TACC2: variants seen among roughly 807,000 people sequenced by gnomAD.
TACC2 encodes the protein transforming acidic coiled-coil containing protein 2, also known as transforming acidic coiled-coil-containing protein 2.
TACC2 carries 137 observed loss-of-function variants against 227.3 expected under a neutral mutation model. The ratio of observed to expected loss-of-function variants is 0.60; its 90% CI spans 0.52 to 0.69. The LOEUF (loss-of-function observed/expected upper bound fraction) is 0.69, where lower values mean the gene tolerates loss of function less well. Among genes scored for constraint, TACC2 ranks in the 30% least tolerant of loss-of-function variants. The probability of loss-of-function intolerance (pLI) is 0.00; values close to 1 mark genes in which losing one functional copy is unlikely to be tolerated. For synonymous variants in TACC2, 1,523 were observed against 1,487.5 expected, an observed-to-expected ratio of 1.02 and a Z score of -0.55; for missense variants, 3,470 against 3,694.4, an observed-to-expected ratio of 0.94 and a Z score of 1.57.
chr10:122,222,339 C>T (rs1242654246), intron 11 of TACC2, among the ~76,000 whole-genome samples: 2 of 152,170 alleles, frequency 1.3e-5, no homozygotes, highest in African/African-American at 4.8e-5. Flanking sequence ...TTTTTACATC[C>T]TCTCCAGGTC....
At chr10:122,235,534 G>A (rs1043663967) in intron 16 of TACC2, among the ~76,000 whole-genome samples, 12 of 152,092 alleles carry the variant, frequency 7.9e-5, no homozygotes, top group African/African-American at 2.9e-4. Context: ...CACCGCACAC[G>A]GCCCAGAATT....
intron 5 of TACC2, among the ~76,000 whole-genome samples, chr10:122,125,488 C>T (rs1349390519): frequency 6.6e-6 from 1 of 152,206 alleles, no homozygotes; most frequent in East Asian, 1.9e-4. Context: ...GCATGAGCCA[C>T]CATGCCCGTC....
At chr10:122,228,664 G>A (rs980877073) in intron 14 of TACC2, among the ~76,000 whole-genome samples, 1 of 152,132 alleles carries the variant, frequency 6.6e-6, no homozygotes, top group Non-Finnish European at 1.5e-5. Flanking sequence ...TGAAGCCCTT[G>A]ATTTAGTGTG....
chr10:122,044,560 C>A lies in TACC2; in HGVS notation c.34-5878C>A, dbSNP rs78963871. On this transcript the variant is annotated intron_variant, in intron 2 of 22. Transcript: ENST00000369005. Reference sequence around the variant, plus strand: ...CCAAGGAGCTCGTTCAAAGAGGGGGCGACTTAGGCAGACACTCTGGTCATG... The same window carrying A: ...CCAAGGAGCTCGTTCAAAGAGGGGGAGACTTAGGCAGACACTCTGGTCATG... 1.9e-3 allele frequency among the ~76,000 whole-genome samples: 292 copies of A among 152,156 alleles called. 2 individuals are homozygous for A. Among genetic ancestry groups the A allele is most frequent in the Non-Finnish European group, 3.4e-3 (229 of 68,016 alleles).
At chr10:122,224,198 C>T (rs923087135) in intron 11 of TACC2, among the ~76,000 whole-genome samples, 3 of 152,170 alleles carry the variant, frequency 2.0e-5, no homozygotes, top group Non-Finnish European at 4.4e-5. Context: ...GGGAAAGGCT[C>T]CAGGTGACTT....
intron 5 of TACC2, among the ~76,000 whole-genome samples, chr10:122,121,402 G>A (rs969284857): frequency 6.6e-6 from 1 of 152,168 alleles, no homozygotes; most frequent in African/African-American, 2.4e-5. Context: ...GAGGCTCCGA[G>A]AGGATCTTTT....
chr10:122,007,407 T>C (rs1034759178), intron 1 of TACC2, among the ~76,000 whole-genome samples: 1 of 152,222 alleles, frequency 6.6e-6, no homozygotes, highest in Non-Finnish European at 1.5e-5. Flanking sequence ...TTATTCTGTT[T>C]GGAGTGCTGA....
At chr10:122,067,830 T>G (rs552574735) in intron 3 of TACC2, among the ~76,000 whole-genome samples, 168 of 152,188 alleles carry the variant, frequency 1.1e-3, no homozygotes, top group Non-Finnish European at 2.1e-3. Context: ...TTCTTATGCT[T>G]GGCATTAGTT....
chr10:122,117,402 C>T (rs1448570760), intron 5 of TACC2, among the ~76,000 whole-genome samples: 1 of 151,968 alleles, frequency 6.6e-6, no homozygotes, highest in African/African-American at 2.4e-5. Flanking sequence ...GCCATGTTTC[C>T]CAGGCTGGTC....
intron 7 of TACC2, among the ~76,000 whole-genome samples, chr10:122,149,002 T>C (rs866953332): frequency 1.7e-4 from 26 of 152,290 alleles, no homozygotes; most frequent in South Asian, 1.5e-3. Context: ...CTTTGTGGGG[T>C]CAGCAGGTCA....
intron 1 of TACC2, among the ~76,000 whole-genome samples, chr10:122,019,380 G>A (rs887574327): frequency 1.3e-5 from 2 of 152,224 alleles, no homozygotes; most frequent in South Asian, 4.1e-4. Context: ...ATTTGCCCAG[G>A]TGCAAACAGG....
At chr10:121,989,601 A>C (rs12257711) in intron 1 of TACC2, 113 bp downstream of exon 1, 27,304 of 152,156 alleles carry the variant, frequency 0.18, 2,606 homozygotes, top group Admixed American at 0.25. Context: ...GAGCACCATC[A>C]CTCAAGGTGA....
rs1377781488 is a variant in TACC2, at chr10:122,141,703, T to C, written c.5700-1869T>C. Among the ~76,000 whole-genome samples the C allele has an allele frequency of 6.6e-6, 1 of 152,132 alleles. No individual in the cohort carries two copies. Among genetic ancestry groups the C allele is most frequent in the East Asian group, 1.9e-4 (1 of 5,188 alleles). ...ATCTCCCCCCCACCCGCCACTGTTT[T>C]CTAAGACAGAGATCCTTCCTTGCAG... is the stretch of plus-strand genomic sequence containing the variant. On this transcript the variant is annotated intron_variant, in intron 6 of 22. Coordinates refer to ENST00000369005, the MANE Select transcript of TACC2 (RefSeq NM_206862.4). This position sits in a 1 kb window ranked among gnomAD's most constrained non-coding sequence, Gnocchi z 4.3.
At chr10:122,136,453 G>A (rs1027473950) in intron 6 of TACC2, among the ~76,000 whole-genome samples, 1 of 151,890 alleles carries the variant, frequency 6.6e-6, no homozygotes, top group Non-Finnish European at 1.5e-5. Context: ...AACAGTCCTC[G>A]GGAGAGGTGT....
intron 7 of TACC2, among the ~76,000 whole-genome samples, chr10:122,148,350 C>T (rs534196316): frequency 2.6e-5 from 4 of 152,288 alleles, no homozygotes; most frequent in South Asian, 2.1e-4. Flanking sequence ...GTGATCCGAC[C>T]GCCTCAGCCT....
chr10:122,042,998 C>T (rs1443305023), intron 2 of TACC2, among the ~76,000 whole-genome samples: 1 of 152,166 alleles, frequency 6.6e-6, no homozygotes, highest in Non-Finnish European at 1.5e-5. Context: ...TTTATTTGTA[C>T]AGTTGTTGTT....
In TACC2 at chr10:122,132,715, AC is replaced by A; in HGVS notation, c.5681del (p.Thr1894ArgfsTer3). On this transcript the variant is annotated frameshift_variant, in exon 6 of 23. Transcript: ENST00000369005. LOFTEE classifies it high-confidence loss of function. ...YHGDVVGQVSTDLIAQSISPA... is the reference protein window; with the variant it reads ...YHGDVVGQVSXDLIAQSISPA... ...CGGTGATGTTGTTGGCCAGGTCTCT[AC>A]GGATCTGATAGCCCAGAGGTACGGT... 1.9e-6 allele frequency: 3 copies of A among 1,614,052 alleles called. No homozygotes were observed. Among genetic ancestry groups the A allele is most frequent in the Non-Finnish European group, 2.5e-6 (3 of 1,179,988 alleles).
chr10:122,192,418 G>A, intron 7 of TACC2: 1 of 316,126 alleles, frequency 3.2e-6, no homozygotes, highest in South Asian at 2.8e-5. Flanking sequence ...AAAGAGCAGA[G>A]CCCTTTGTGC....
chr10:122,063,747 A>G (rs2077087480), intron 3 of TACC2, among the ~76,000 whole-genome samples: 1 of 151,700 alleles, frequency 6.6e-6, no homozygotes, highest in South Asian at 2.1e-4. Context: ...TGAGATAGCT[A>G]TATTTTGTTA....
Sources: gnomAD v4.1 joint callset for allele counts (sites outside exome capture counted in the v4.1 genomes callset) on GRCh38, gnomAD v4.1.1 for gene constraint, Gnocchi (gnomAD v3.1) non-coding constraint, MANE v1.5 for transcripts, NCBI Gene and HGNC (gene_info 2026-07-23, HGNC 2026-07-21) for gene names.